LRMDA: variants seen among roughly 807,000 people sequenced by gnomAD.
The protein encoded by LRMDA is leucine rich melanocyte differentiation associated, also known as leucine-rich melanocyte differentiation-associated protein.
In LRMDA, 18 loss-of-function variants were observed where a neutral mutation model predicts 29.8. That is an observed-to-expected ratio of 0.60 (90% confidence interval 0.42 to 0.90). The LOEUF is 0.90. LRMDA is among the 40% of genes least tolerant of loss of function. The pLI, the probability that LRMDA is intolerant of heterozygous loss-of-function variation, is 0.00. For missense variants in LRMDA, 273 were observed against 273.9 expected (o/e 1.00, Z 0.02); for synonymous variants, 125 against 109.4 (o/e 1.14, Z -0.89).
rs559226219 is a variant in LRMDA, at chr10:75,766,705, T to C, written c.132-269303T>C. Among the ~76,000 whole-genome samples the C allele has an allele frequency of 1.4e-4, 21 of 152,304 alleles. No homozygotes were observed. The South Asian group carries it at 4.3e-3, about 32-fold the overall frequency. On this transcript the variant is annotated intron_variant, in intron 2 of 6. Transcript: ENST00000611255. ...GGTTTGTTACATAGGCACACATGTG[T>C]CATGGTGGTTTGCTATACCTATCAA...
chr10:76,222,579 T>A (rs1359988614), intron 5 of LRMDA, among the ~76,000 whole-genome samples: 6 of 152,210 alleles, frequency 3.9e-5, no homozygotes, highest in African/African-American at 1.4e-4. Flanking sequence ...AGATATCATC[T>A]CACACCAGTT....
chr10:75,854,428 A>T (rs1844787015), intron 2 of LRMDA, among the ~76,000 whole-genome samples: 1 of 152,144 alleles, frequency 6.6e-6, no homozygotes, highest in Non-Finnish European at 1.5e-5. Flanking sequence ...TTACTCTCAA[A>T]ATATCCAGAT....
At chr10:76,030,576 G>A (rs1034971037) in intron 2 of LRMDA, among the ~76,000 whole-genome samples, 3 of 152,170 alleles carry the variant, frequency 2.0e-5, no homozygotes, top group African/African-American at 7.2e-5. Flanking sequence ...GGATTATGAG[G>A]TCAAGAGATT....
chr10:75,707,538 G>C (rs1842383737), intron 2 of LRMDA, among the ~76,000 whole-genome samples: 1 of 152,214 alleles, frequency 6.6e-6, no homozygotes, highest in Non-Finnish European at 1.5e-5. Context: ...GGTGACCGAG[G>C]ATGCTGAGCA....
chr10:75,937,662 G>A (rs1846320720), intron 2 of LRMDA, among the ~76,000 whole-genome samples: 1 of 152,138 alleles, frequency 6.6e-6, no homozygotes. Context: ...AGTGGGATCT[G>A]GTATTTGAGA....
At chr10:76,474,366 AAAT>A (rs1489525575) in intron 6 of LRMDA, among the ~76,000 whole-genome samples, 1 of 151,600 alleles carries the variant, frequency 6.6e-6, no homozygotes, top group Non-Finnish European at 1.5e-5. Flanking sequence ...ACAAAAGAAA[AAAT>A]AAGTAAATTG....
chr10:75,865,487 G>T (rs1845003956), intron 2 of LRMDA, among the ~76,000 whole-genome samples: 1 of 152,110 alleles, frequency 6.6e-6, no homozygotes, highest in African/African-American at 2.4e-5. Flanking sequence ...CTTCTATGGT[G>T]ATTAAAATCT....
At chr10:76,524,929 A>C (rs1843159307) in intron 6 of LRMDA, among the ~76,000 whole-genome samples, 1 of 152,230 alleles carries the variant, frequency 6.6e-6, no homozygotes, top group Non-Finnish European at 1.5e-5. Context: ...ATGGGGTCTT[A>C]GAAAATAACA....
At chr10:76,019,082 A>G (rs1009230132) in intron 2 of LRMDA, among the ~76,000 whole-genome samples, 2 of 152,024 alleles carry the variant, frequency 1.3e-5, no homozygotes, top group Non-Finnish European at 2.9e-5. Context: ...TGTCCCCTTT[A>G]TTCTAGGAAG....
chr10:75,646,941 G>T (rs1320699655), intron 2 of LRMDA, among the ~76,000 whole-genome samples: 3 of 152,210 alleles, frequency 2.0e-5, no homozygotes, highest in Admixed American at 1.3e-4. Context: ...CCTGATAATG[G>T]ACACATTTTT....
At chr10:76,135,111 C>G (rs557490315) in intron 5 of LRMDA, among the ~76,000 whole-genome samples, 89 of 152,250 alleles carry the variant, frequency 5.8e-4, no homozygotes, top group African/African-American at 2.0e-3. Flanking sequence ...ATCATGATAT[C>G]AAATGTTTTT....
chr10:76,374,723 A>G (rs1397404890), intron 6 of LRMDA, among the ~76,000 whole-genome samples: 1 of 152,210 alleles, frequency 6.6e-6, no homozygotes, highest in African/African-American at 2.4e-5. Context: ...TGCCCTAGGC[A>G]TGAACAGCAG....
chr10:75,520,155 T>C (rs928375476), intron 2 of LRMDA, among the ~76,000 whole-genome samples: 1 of 152,190 alleles, frequency 6.6e-6, no homozygotes, highest in Non-Finnish European at 1.5e-5. Context: ...CAATTATGTG[T>C]CTTGAGGTTG....
intron 2 of LRMDA, among the ~76,000 whole-genome samples, chr10:75,496,453 G>T (rs1845045162): frequency 6.6e-6 from 1 of 152,196 alleles, no homozygotes; most frequent in African/African-American, 2.4e-5. Context: ...TATGCTAAGT[G>T]CTTAGTAAAT....
intron 2 of LRMDA, among the ~76,000 whole-genome samples, chr10:75,907,732 T>A (rs1388470444): frequency 6.6e-6 from 1 of 152,304 alleles, no homozygotes; most frequent in South Asian, 2.1e-4. Flanking sequence ...ACAGTGGCCC[T>A]GGTGCCATTT....
At chr10:75,959,269 C>G (rs2132427222) in intron 2 of LRMDA, among the ~76,000 whole-genome samples, 1 of 152,266 alleles carries the variant, frequency 6.6e-6, no homozygotes, top group Middle Eastern at 3.4e-3. Flanking sequence ...GTGCAGCAAG[C>G]CTGCTGCAAC....
chr10:76,006,983 CGTGT>C lies in LRMDA; in HGVS notation c.132-28979_132-28976del, dbSNP rs572881040. Among the ~76,000 whole-genome samples, 248 of 116,206 alleles carry C rather than the reference CGTGT, an allele frequency of 2.1e-3. 1 individual carries two copies. Among genetic ancestry groups the C allele is most frequent in the Non-Finnish European group, 2.8e-3 (165 of 58,558 alleles). 76.2% of individuals were successfully genotyped at this position (116,206 alleles called of 152,430 possible). A position where few individuals can be genotyped will look rare whatever the true frequency, so the allele number is the denominator to read the frequency against. On this transcript the variant is annotated intron_variant, in intron 2 of 6. Transcript: ENST00000611255. ...GCTAAAGTTTGCAGGATGGAGAAGG[CGTGT>C]GTGTGTGTGTGTGTGTGTGTGTGTG...
chr10:75,901,171 A>G lies in LRMDA; in HGVS notation c.132-134837A>G, dbSNP rs188746577. 3.0e-3 allele frequency among the ~76,000 whole-genome samples: 453 copies of G among 152,068 alleles called. 2 individuals are homozygous for G. The highest frequency in any genetic ancestry group is 0.01 in the African/African-American group (432 of 41,458). ...TCTATCTCTGTGTGAGTCACCTTGA[A>G]CTCCAGTGGTCTGGGAGTAGCCTCT... On this transcript the variant is annotated intron_variant, in intron 2 of 6. Coordinates refer to ENST00000611255, the MANE Select transcript of LRMDA (RefSeq NM_001305581.2).
chr10:75,845,543 C>T (rs866116797), intron 2 of LRMDA, among the ~76,000 whole-genome samples: 1 of 152,188 alleles, frequency 6.6e-6, no homozygotes, highest in Non-Finnish European at 1.5e-5. Flanking sequence ...GACACTTAGT[C>T]ATCACGACGA....
Sources: allele counts gnomAD v4.1 joint callset (sites outside exome capture counted in the v4.1 genomes callset), GRCh38; gene constraint gnomAD v4.1.1; transcripts MANE v1.5; gene names NCBI Gene and HGNC (gene_info 2026-07-23, HGNC 2026-07-21).